Variants in RAD9B observed in about 807,000 individuals in gnomAD.
RAD9B encodes RAD9 checkpoint clamp component B.
Under a neutral mutation model 48.3 loss-of-function variants are expected in RAD9B, and 41 were observed. That is an observed-to-expected ratio of 0.85 (90% CI 0.66 to 1.10). The LOEUF is 1.10. Ranked by LOEUF, RAD9B falls within the 50% of genes least tolerant of loss-of-function variation. The pLI is 0.00. For missense variants in RAD9B, 444 were observed against 485.1 expected (o/e 0.92, Z 0.80); for synonymous variants, 160 against 157.9 (o/e 1.01, Z -0.10).
chr12:110,512,630 T>C (rs1565885343), intron 4 of RAD9B, 149 bp from the exon 5 acceptor site: 1 of 531,286 alleles, frequency 1.9e-6, no homozygotes, highest in Non-Finnish European at 3.3e-6. Flanking sequence ...ACACATTTAA[T>C]TAAGGAATAG....
intron 4 of RAD9B, chr12:110,511,380 A>G (rs1315561309): frequency 2.6e-6 from 1 of 391,692 alleles, no homozygotes; most frequent in Non-Finnish European, 5.2e-6. Context: ...TATATACACA[A>G]TGGAATACTA....
chr12:110,526,767 G>C (rs2063951321), intron 10 of RAD9B, among the ~76,000 whole-genome samples: 1 of 152,022 alleles, frequency 6.6e-6, no homozygotes, highest in African/African-American at 2.4e-5. Flanking sequence ...AAACTAGCTG[G>C]GTGTGGTGGC....
chr12:110,518,115 C>T (rs896482231), intron 6 of RAD9B, among the ~76,000 whole-genome samples: 8 of 151,766 alleles, frequency 5.3e-5, no homozygotes, highest in Non-Finnish European at 7.4e-5. Flanking sequence ...GGCGTGAACC[C>T]GGGAGGCACA....
chr12:110,502,855 G>C (rs983618418), intron 1 of RAD9B: 1 of 158,880 alleles, frequency 6.3e-6, no homozygotes, highest in East Asian at 1.9e-4. Flanking sequence ...CTTCGTCACA[G>C]AGTTTGTTTG....
chr12:110,508,600 T>G (rs1030574003), intron 4 of RAD9B, among the ~76,000 whole-genome samples: 1 of 152,176 alleles, frequency 6.6e-6, no homozygotes, highest in African/African-American at 2.4e-5. Flanking sequence ...AATTCAAAAT[T>G]AAGTCACAGG....
chr12:110,504,267 G>A (rs1478439552), intron 2 of RAD9B, among the ~76,000 whole-genome samples: 3 of 151,690 alleles, frequency 2.0e-5, no homozygotes, highest in Non-Finnish European at 4.4e-5. Context: ...TCAGGAGTTC[G>A]AGACTAGCCT....
chr12:110,504,766 A>T (rs554154581), intron 2 of RAD9B, among the ~76,000 whole-genome samples: 1 of 152,178 alleles, frequency 6.6e-6, no homozygotes, highest in East Asian at 1.9e-4. Flanking sequence ...GGAGGCTGAG[A>T]CAGGAGGATC....
At chr12:110,512,942 C>G in intron 5 of RAD9B, 64 bp downstream of exon 5, 1 of 774,506 alleles carries the variant, frequency 1.3e-6, no homozygotes. Flanking sequence ...AGTGAAGAAT[C>G]AATGCCCTAG....
chr12:110,521,969 A>G (rs1254817271), intron 9 of RAD9B, among the ~76,000 whole-genome samples: 15 of 152,200 alleles, frequency 9.9e-5, no homozygotes. Flanking sequence ...TTCTATGCAC[A>G]ATGAGTTGCT....
rs1461637020 is a variant in RAD9B at position 110,505,777 on chromosome 12, A to G, written c.273+5A>G. Reference sequence around the variant, plus strand: ...AAATGCAAATTGGGAATGAAGGTAAATATAAGTGGCCCTGGTTTTCTCTTA... The same window carrying G: ...AAATGCAAATTGGGAATGAAGGTAAGTATAAGTGGCCCTGGTTTTCTCTTA... On this transcript the variant is annotated splice_donor_5th_base_variant and intron_variant, in intron 3 of 10. Coordinates refer to ENST00000409300, the MANE Select transcript of RAD9B (RefSeq NM_001286535.2). 5 of 1,610,890 alleles carry G rather than the reference A, an allele frequency of 3.1e-6. No homozygotes were observed. The highest frequency in any genetic ancestry group is 4.2e-6 in the Non-Finnish European group (5 of 1,178,294).
chr12:110,511,182 A>T (rs545185792), intron 4 of RAD9B, among the ~76,000 whole-genome samples: 25 of 152,294 alleles, frequency 1.6e-4, no homozygotes, highest in Non-Finnish European at 3.2e-4. Context: ...GAGATTTCTT[A>T]AAAAACTAAA....
intron 5 of RAD9B, among the ~76,000 whole-genome samples, 188 bp from the exon 6 acceptor site, chr12:110,514,862 T>C (rs1371250134): frequency 6.6e-6 from 1 of 152,252 alleles, no homozygotes; most frequent in Non-Finnish European, 1.5e-5. Context: ...AATGAAGTTA[T>C]AATTTTAAAA....
chr12:110,508,050 A>G (rs1009992377), intron 4 of RAD9B: 1 of 168,934 alleles, frequency 5.9e-6, no homozygotes, highest in Non-Finnish European at 1.5e-5. Context: ...ATAATTTAAC[A>G]TTATTTTTTC....
At chr12:110,530,103 C>T (rs989572129) in intron 10 of RAD9B, among the ~76,000 whole-genome samples, 17 of 152,080 alleles carry the variant, frequency 1.1e-4, no homozygotes, top group Non-Finnish European at 4.4e-5. Flanking sequence ...AGTGCAGTGG[C>T]ACGATCTCGG....
intron 4 of RAD9B, among the ~76,000 whole-genome samples, chr12:110,510,612 C>T (rs1027695080): frequency 1.3e-5 from 2 of 152,124 alleles, no homozygotes; most frequent in African/African-American, 4.8e-5. Flanking sequence ...AGGCCCCAGA[C>T]ATGAAAGTGA....
At chr12:110,527,118 G>T (rs2063970251) in intron 10 of RAD9B, among the ~76,000 whole-genome samples, 1 of 152,118 alleles carries the variant, frequency 6.6e-6, no homozygotes, top group African/African-American at 2.4e-5. Flanking sequence ...CCCTTCAGGA[G>T]ACTCTGGGGG....
chr12:110,510,839 A>G (rs772702420), intron 4 of RAD9B, among the ~76,000 whole-genome samples: 1 of 152,062 alleles, frequency 6.6e-6, no homozygotes, highest in Non-Finnish European at 1.5e-5. Context: ...CTCTAGTCCC[A>G]GCTACTGGGG....
intron 3 of RAD9B, 52 bp downstream of exon 3, chr12:110,505,824 A>G (rs762110070): frequency 2.1e-6 from 3 of 1,424,242 alleles, no homozygotes; most frequent in Admixed American, 1.8e-5. Context: ...TATTCATTAT[A>G]TAGGACATAA....
rs368418580 is a variant in RAD9B at position 110,519,885 on chromosome 12, C to T, written c.859C>T (p.Gln287Ter). 68 of 1,612,712 alleles carry T rather than the reference C, an allele frequency of 4.2e-5. No individual in the cohort carries two copies. Among genetic ancestry groups the T allele is most frequent in the Non-Finnish European group, 5.5e-5 (65 of 1,179,546 alleles). Residue 287 changes from glutamine (Q) to a stop codon, truncating the protein, a stop_gained, in exon 9 of 11, where the codon CAG (glutamine) becomes TAG (stop). Coordinates refer to ENST00000409300, the MANE Select transcript of RAD9B (RefSeq NM_001286535.2). LOFTEE classifies it high-confidence loss of function. ...TGAACAAAGTAGAGCATCTTCACCA[C>T]AGTCACTGTGTCTTTCACAGAAACG... ...ADEQSRASSP[Q>*]SLCLSQKRKR...
Sources: gnomAD v4.1 joint callset for allele counts (sites outside exome capture counted in the v4.1 genomes callset) on GRCh38, gnomAD v4.1.1 for gene constraint, MANE v1.5 for transcripts, NCBI Gene and HGNC (gene_info 2026-07-23, HGNC 2026-07-21) for gene names.